COCH: variants seen among roughly 807,000 people sequenced by gnomAD.
The protein encoded by COCH is cochlin.
In COCH, 40 loss-of-function variants were observed where a neutral mutation model predicts 54.8. That is an observed-to-expected ratio of 0.73 (90% CI 0.57 to 0.95). The LOEUF (loss-of-function observed/expected upper bound fraction) is 0.95, where lower values mean the gene tolerates loss of function less well. COCH is among the 40% of genes least tolerant of loss of function. COCH has a pLI of 0.00. For synonymous variants in COCH, 256 were observed against 237.9 expected (o/e 1.08, Z -0.70); for missense variants, 605 against 675.0 (o/e 0.90, Z 1.15).
At position 30,880,586 on chromosome 14, in the gene COCH, G is replaced by A. The variant is rs1309867832; in HGVS notation, c.482-1G>A. The A allele has an allele frequency of 6.2e-7, 1 of 1,614,120 alleles. No homozygotes were observed. Among genetic ancestry groups the A allele is most frequent in the East Asian group, 2.2e-5 (1 of 44,876 alleles). ...GAGGGGACTGGTTTGGTTGTTCGCAGATTGTAAAGCAGACATTGCATTTCT... is the reference window on the plus strand; with the variant it reads ...GAGGGGACTGGTTTGGTTGTTCGCAAATTGTAAAGCAGACATTGCATTTCT... On this transcript the variant is annotated splice_acceptor_variant, in intron 7 of 11. Transcript: ENST00000396618. LOFTEE classifies it high-confidence loss of function.
At chr14:30,882,560 A>C (rs1895651380) in intron 8 of COCH, among the ~76,000 whole-genome samples, 1 of 152,202 alleles carries the variant, frequency 6.6e-6, no homozygotes, top group Admixed American at 6.5e-5. Flanking sequence ...ATATTCATCA[A>C]AAATATTTCA....
rs200899172 is a variant in COCH at position 30,877,702 on chromosome 14, G to A, written c.213G>A (p.Ser71=). 2.2e-5 allele frequency: 35 copies of A among 1,614,148 alleles called. No homozygotes were observed. Among genetic ancestry groups the A allele is most frequent in the Middle Eastern group, 1.6e-4 (1 of 6,062 alleles). ...VYGNIVYASV[S]SICGAAVHRG... is the part of the protein sequence containing the mutation. ...GGAACATAGTATATGCTTCTGTATCGAGCATATGTGGGGCTGCTGTCCACA... is the reference window on the plus strand; with the variant it reads ...GGAACATAGTATATGCTTCTGTATCAAGCATATGTGGGGCTGCTGTCCACA... Residue 71 remains serine, a synonymous_variant, in exon 4 of 12, where the codon TCG becomes TCA. Coordinates refer to ENST00000396618, the MANE Select transcript of COCH (RefSeq NM_004086.3). The surrounding 1 kb of genome is among the most constrained non-coding windows in gnomAD (Gnocchi z 8.6).
intron 5 of COCH, 21 bp downstream of exon 5, chr14:30,878,965 C>T (rs1331692248): frequency 1.9e-6 from 3 of 1,613,224 alleles, no homozygotes; most frequent in Non-Finnish European, 2.5e-6. Context: ...TTATTGTTCT[C>T]ATTCTGTAAT....
chr14:30,880,418 C>T, intron 6 of COCH, 34 bp from the exon 7 acceptor site: 1 of 1,611,830 alleles, frequency 6.2e-7, no homozygotes, highest in Non-Finnish European at 8.5e-7. Context: ...AACTGTCTTC[C>T]TTTTGTTAAT....
intron 8 of COCH, among the ~76,000 whole-genome samples, chr14:30,881,191 G>A (rs1008238600): frequency 1.3e-5 from 2 of 148,426 alleles, no homozygotes; most frequent in Admixed American, 1.4e-4. Context: ...CTCCAGCCTG[G>A]GCAACAGTGA....
downstream of COCH, among the ~76,000 whole-genome samples, chr14:30,891,120 A>T (rs2138904014): frequency 6.6e-6 from 1 of 152,350 alleles, no homozygotes; most frequent in South Asian, 2.1e-4. Flanking sequence ...CTACCTGATT[A>T]AACAGTATAA....
At chr14:30,876,511 T>C (rs1895361060) in intron 3 of COCH, 7 of 152,240 alleles carry the variant, frequency 4.6e-5, no homozygotes, top group Admixed American at 2.6e-4. Context: ...AGTTGTAGAA[T>C]GTTGTTTGGG....
downstream of COCH, chr14:30,895,600 A>G (rs1214595444): frequency 5.6e-6 from 9 of 1,610,162 alleles, no homozygotes; most frequent in Non-Finnish European, 5.9e-6. Context: ...AACAAATAAA[A>G]TTTGTTACTG....
intron 8 of COCH, among the ~76,000 whole-genome samples, 187 bp downstream of exon 8, chr14:30,880,921 A>G (rs1020746574): frequency 1.3e-5 from 2 of 152,146 alleles, no homozygotes; most frequent in African/African-American, 2.4e-5. Flanking sequence ...GATACATTCA[A>G]AATCAAATGA....
chr14:30,886,084 A>G lies in COCH; in HGVS notation c.1249A>G (p.Thr417Ala). 3.1e-6 allele frequency: 5 copies of G among 1,614,236 alleles called. No individual in the cohort carries two copies. The highest frequency in any genetic ancestry group is 4.2e-6 in the Non-Finnish European group (5 of 1,180,036). The change falls in exon 11 of 12, where the codon ACG (threonine) becomes GCG (alanine). Residue 417 changes from threonine (T) to alanine (A), a missense_variant. By Grantham distance (58) the Thr-to-Ala change is moderately conservative. Coordinates refer to ENST00000396618, the MANE Select transcript of COCH (RefSeq NM_004086.3). ...AAVQFTYDQR[T>A]EFSFTDYSTK... ...TGTACAGTTTACTTATGATCAGCGC[A>G]CGGAGTTCAGTTTCACTGACTATAG... is the stretch of plus-strand genomic sequence containing the variant.
chr14:30,875,206 C>T, intron 3 of COCH, 103 bp downstream of exon 3: 1 of 1,464,526 alleles, frequency 6.8e-7, no homozygotes, highest in Non-Finnish European at 9.2e-7. Context: ...GCCCTACCGC[C>T]TGAGGAGGAA....
At chr14:30,891,319 T>C (rs1895977408), downstream of COCH, among the ~76,000 whole-genome samples, 1 of 152,160 alleles carries the variant, frequency 6.6e-6, no homozygotes. Flanking sequence ...TTGTCTGTCT[T>C]TTCTAAAGAT....
At position 30,885,465 on chromosome 14, in the gene COCH, G is replaced by T. The variant is rs531508748; in HGVS notation, c.805G>T (p.Val269Leu). The T allele has an allele frequency of 6.2e-7, 1 of 1,613,968 alleles. No homozygotes were observed. Among genetic ancestry groups the T allele is most frequent in the South Asian group, 1.1e-5 (1 of 91,088 alleles). The change falls in exon 10 of 12, where the codon GTG becomes TTG. Residue 269 changes from valine (V) to leucine (L), a missense_variant. Coordinates refer to ENST00000396618, the MANE Select transcript of COCH (RefSeq NM_004086.3). ...DAGVRKGIPK[V>L]VVVFIDGWPS... Reference sequence around the variant, plus strand: ...TGGAGTAAGAAAAGGGATCCCCAAAGTGGTGGTGGTATTTATTGATGGTTG... The same window carrying T: ...TGGAGTAAGAAAAGGGATCCCCAAATTGGTGGTGGTATTTATTGATGGTTG...
intron 1 of COCH, 38 bp from the exon 2 acceptor site, chr14:30,874,878 C>G: frequency 6.3e-7 from 1 of 1,599,614 alleles, no homozygotes; most frequent in Non-Finnish European, 8.6e-7. Context: ...CGGGGCCTCC[C>G]GCACCCTGGC....
chr14:30,885,307 A>ATATATG, intron 9 of COCH, 87 bp from the exon 10 acceptor site: 1 of 1,197,552 alleles, frequency 8.4e-7, no homozygotes, highest in East Asian at 2.4e-5. Flanking sequence ...TAATTCTTAA[A>ATATATG]CTTTGCAGCA....
Position 30,876,975 on chromosome 14 carries a change from AT to A in COCH, c.83-585del, listed in dbSNP as rs879873250. 3.0e-3 allele frequency among the ~76,000 whole-genome samples: 443 copies of A among 146,314 alleles called. 1 individual carries two copies. The highest frequency in any genetic ancestry group is 0.018 in the Middle Eastern group (5 of 282). On this transcript the variant is annotated intron_variant, in intron 3 of 11. Transcript: ENST00000396618. ...CACCACGTGTGGCCATTTAAAAAAA[AT>A]TTTTTTTTTTTAGAAGAGATGAGGT... is the stretch of plus-strand genomic sequence containing the variant.
chr14:30,886,187 C>T lies in COCH; in HGVS notation c.1352C>T (p.Ser451Phe). 1 of 1,610,554 alleles carries T rather than the reference C, an allele frequency of 6.2e-7. No homozygotes were observed. Among genetic ancestry groups the T allele is most frequent in the Non-Finnish European group, 8.5e-7 (1 of 1,177,462 alleles). ...SGGTATGDAI[S>F]FTVRNVFGPI... ...GGAACAGCTACTGGTGATGCCATTT[C>T]CTTCACTGTTAGAAATGTGTTTGGC... The change falls in exon 11 of 12, where the codon TCC becomes TTC. Residue 451 changes from serine (S) to phenylalanine (F), a missense_variant. Coordinates refer to ENST00000396618, the MANE Select transcript of COCH (RefSeq NM_004086.3).
chr14:30,890,011 T>C lies in COCH; in HGVS notation c.*220T>C. 1 of 1,257,588 alleles carries C rather than the reference T, an allele frequency of 8.0e-7. No individual in the cohort carries two copies. 77.9% of individuals were successfully genotyped at this position (1,257,588 alleles called of 1,614,324 possible). A position where few individuals can be genotyped will look rare whatever the true frequency, so the allele number is the denominator to read the frequency against. The stretch of plus-strand genomic sequence containing the variant: ...AAACACTGCTGAGGCTTCATAATCA[T>C]GGCTCTTAGAAACTCAGGAAAGAGG... On this transcript the variant is annotated 3_prime_UTR_variant, in exon 12 of 12. Transcript: ENST00000396618.
chr14:30,886,213 C>T lies in COCH; in HGVS notation c.1378C>T (p.Pro460Ser), dbSNP rs749854026. ...CTTCACTGTTAGAAATGTGTTTGGCCCTATAAGGGAGAGCCCCAACAAGAA... is the reference window on the plus strand; with the variant it reads ...CTTCACTGTTAGAAATGTGTTTGGCTCTATAAGGGAGAGCCCCAACAAGAA... ...ISFTVRNVFG[P>S]IRESPNKNFL... is the part of the protein sequence containing the mutation. The change falls in exon 11 of 12, where the codon CCT (proline) becomes TCT (serine). Residue 460 changes from proline to serine, a missense_variant. Coordinates refer to ENST00000396618, the MANE Select transcript of COCH (RefSeq NM_004086.3). 3 of 1,611,710 alleles carry T rather than the reference C, an allele frequency of 1.9e-6. No homozygotes were observed. In the South Asian group the frequency reaches 3.3e-5, roughly 18 times the overall value.
Sources: allele counts gnomAD v4.1 joint callset (sites outside exome capture counted in the v4.1 genomes callset), GRCh38; gene constraint gnomAD v4.1.1; non-coding constraint Gnocchi (gnomAD v3.1); transcripts MANE v1.5; gene names NCBI Gene and HGNC (gene_info 2026-07-23, HGNC 2026-07-21).